Variants in TRDN observed in about 807,000 individuals in gnomAD.
TRDN encodes triadin.
TRDN carries 161 observed loss-of-function variants against 149.7 expected under a neutral mutation model. The observed-to-expected ratio is 1.08, with a 90% CI of 0.95 to 1.23. The LOEUF is 1.23. Ranked by LOEUF, TRDN falls within the 50% of genes most tolerant of loss-of-function variation. The probability of loss-of-function intolerance (pLI) is 0.00; values close to 1 mark genes in which losing one functional copy is unlikely to be tolerated. For missense variants in TRDN, 896 were observed against 823.5 expected (o/e 1.09, Z -1.08); for synonymous variants, 294 against 250.5 (o/e 1.17, Z -1.64).
chr6:123,500,452 G>C (rs1269037273), intron 8 of TRDN, among the ~76,000 whole-genome samples: 1 of 152,092 alleles, frequency 6.6e-6, no homozygotes, highest in African/African-American at 2.4e-5. Context: ...TGAAAGATTT[G>C]TGTTCTAAAA....
At chr6:123,346,097 C>T (rs1178264651) in intron 21 of TRDN, among the ~76,000 whole-genome samples, 2 of 152,010 alleles carry the variant, frequency 1.3e-5, no homozygotes, top group Non-Finnish European at 2.9e-5. Flanking sequence ...ACATCCTTGC[C>T]GTGTTCCTGA....
In TRDN at chr6:123,366,150, C is replaced by T; in HGVS notation, c.1306G>A (p.Val436Ile). 1 of 1,612,648 alleles carries T rather than the reference C, an allele frequency of 6.2e-7. No individual in the cohort carries two copies. Among genetic ancestry groups the T allele is most frequent in the Non-Finnish European group, 8.5e-7 (1 of 1,179,126 alleles). Residue 436 changes from valine (V) to isoleucine (I), a missense_variant, in exon 20 of 41, where the codon GTT becomes ATT. Val to Ile is a conservative substitution (Grantham distance 29). Transcript: ENST00000334268. ...TERAKEEIGAVSIKKAVPGKK... is the reference protein window; with the variant it reads ...TERAKEEIGAISIKKAVPGKK... ...CTGCATTTACCTTTTTTAATTGAAA[C>T]CGCACCAATCTCCTCTTTGGCTCGT... is the stretch of plus-strand genomic sequence containing the variant.
rs146824898 is a variant in TRDN, at chr6:123,600,587, C to T, written c.23-29455G>A. Among the ~76,000 whole-genome samples, 27 of 152,100 alleles carry T rather than the reference C, an allele frequency of 1.8e-4. No individual in the cohort carries two copies. In the East Asian group the frequency reaches 3.5e-3, roughly 20 times the overall value. ...GGGATGGGGACATAATCTGAGGGAA[C>T]AGAAATAGTGGTAGCTGTTCTCAGT... is the stretch of plus-strand genomic sequence containing the variant. On this transcript the variant is annotated intron_variant, in intron 1 of 40. Coordinates refer to ENST00000334268, the MANE Select transcript of TRDN (RefSeq NM_006073.4).
intron 9 of TRDN, among the ~76,000 whole-genome samples, chr6:123,488,556 C>A (rs989090202): frequency 1.3e-5 from 2 of 152,122 alleles, no homozygotes; most frequent in East Asian, 3.8e-4. Flanking sequence ...CTATAAATCC[C>A]ATGACTCTAT....
intron 1 of TRDN, among the ~76,000 whole-genome samples, chr6:123,599,481 T>C (rs551052593): frequency 1.3e-5 from 2 of 151,978 alleles, no homozygotes; most frequent in African/African-American, 4.8e-5. Context: ...TAGGTAAAAC[T>C]ATGCATTTTC....
At chr6:123,553,475 T>C (rs577212545) in intron 2 of TRDN, among the ~76,000 whole-genome samples, 1 of 152,262 alleles carries the variant, frequency 6.6e-6, no homozygotes, top group African/African-American at 2.4e-5. Context: ...CCCATGACTC[T>C]GCCTGCACCA....
At position 123,263,298 on chromosome 6, in the gene TRDN, C is replaced by T. The variant is rs1177552596; in HGVS notation, c.1804+2020G>A. ...CTAATCTACAGCAAGGCCCTAACTC[C>T]CTTCAATTCTATGAAGGCTGAGAGA... is the stretch of plus-strand genomic sequence containing the variant. On this transcript the variant is annotated intron_variant, in intron 33 of 40. Coordinates refer to ENST00000334268, the MANE Select transcript of TRDN (RefSeq NM_006073.4). Among the ~76,000 whole-genome samples, 5 of 152,086 alleles carry T rather than the reference C, an allele frequency of 3.3e-5. No homozygotes were observed. The East Asian group carries it at 5.8e-4, about 18-fold the overall frequency.
intron 22 of TRDN, among the ~76,000 whole-genome samples, chr6:123,334,982 C>T (rs533453528): frequency 3.2e-4 from 48 of 152,092 alleles, no homozygotes; most frequent in Admixed American, 2.2e-3. Flanking sequence ...CAAAATACAA[C>T]GCTAATAAAA....
At chr6:123,503,375 G>C in intron 8 of TRDN, 1 of 985,248 alleles carries the variant, frequency 1.0e-6, no homozygotes, top group Non-Finnish European at 1.2e-6. Flanking sequence ...TTCCTCCAAA[G>C]AGTATGACAC....
intron 24 of TRDN, among the ~76,000 whole-genome samples, chr6:123,286,307 T>C (rs1436838210): frequency 3.3e-5 from 5 of 151,924 alleles, no homozygotes; most frequent in Non-Finnish European, 7.4e-5. Context: ...GATGAAGAAA[T>C]TGTAGTATAG....
Position 123,516,218 on chromosome 6 carries a change from CAGAT to C in TRDN, c.485-16_485-13del. Reference sequence around the variant, plus strand: ...TTCTTTGTGTGTAACTGAAAAGAAACAGATAAATAGTTTTCATTTAAATAACAGG... The same window carrying C: ...TTCTTTGTGTGTAACTGAAAAGAAACAAATAGTTTTCATTTAAATAACAGG... On this transcript the variant is annotated splice_polypyrimidine_tract_variant and intron_variant, in intron 5 of 40. Transcript: ENST00000334268. 7 of 1,472,804 alleles carry C rather than the reference CAGAT, an allele frequency of 4.8e-6. No homozygotes were observed. Among genetic ancestry groups the C allele is most frequent in the Non-Finnish European group, 6.4e-6 (7 of 1,101,754 alleles). 91.2% of individuals were successfully genotyped at this position (1,472,804 alleles called of 1,614,324 possible). A position where few individuals can be genotyped will look rare whatever the true frequency, so the allele number is the denominator to read the frequency against.
chr6:123,429,458 T>G lies in TRDN; in HGVS notation c.1051+8605A>C, dbSNP rs1478793236. On this transcript the variant is annotated intron_variant, in intron 12 of 40. Coordinates refer to ENST00000334268, the MANE Select transcript of TRDN (RefSeq NM_006073.4). ...GCTGCAGTTGAGGGAGATATCACTT[T>G]GATGTTTTTAAAGCTTTACTTGCAC... is the stretch of plus-strand genomic sequence containing the variant. 1.3e-5 allele frequency among the ~76,000 whole-genome samples: 2 copies of G among 152,202 alleles called. 1 individual carries two copies. The highest frequency in any genetic ancestry group is 6.3e-3 in the Middle Eastern group (2 of 316).
Position 123,548,494 on chromosome 6 carries a change from T to C in TRDN, c.351A>G (p.Glu117=). ...CGTCACCATCATCATCTTCTTCATCTTCAGATGAGATGATGTCAGATAACA... is the reference window on the plus strand; with the variant it reads ...CGTCACCATCATCATCTTCTTCATCCTCAGATGAGATGATGTCAGATAACA... ...FSLLSDIISS[E]DEEDDDGDED... is the part of the protein sequence containing the mutation. Residue 117 remains glutamate (E), a synonymous_variant, in exon 3 of 41, where the codon GAA becomes GAG. Transcript: ENST00000334268. 1 of 1,578,012 alleles carries C rather than the reference T, an allele frequency of 6.3e-7. No homozygotes were observed. The highest frequency in any genetic ancestry group is 8.6e-7 in the Non-Finnish European group (1 of 1,161,804).
intron 20 of TRDN, among the ~76,000 whole-genome samples, chr6:123,355,684 G>T (rs1183391938): frequency 6.6e-6 from 1 of 151,630 alleles, no homozygotes; most frequent in Non-Finnish European, 1.5e-5. Flanking sequence ...GATTTTGACT[G>T]GGATTATGAT....
At chr6:123,576,565 G>A (rs572966302) in intron 1 of TRDN, among the ~76,000 whole-genome samples, 2 of 151,744 alleles carry the variant, frequency 1.3e-5, no homozygotes, top group South Asian at 2.1e-4. Flanking sequence ...TGAGTGGAAC[G>A]GATGAGGAGT....
intron 2 of TRDN, among the ~76,000 whole-genome samples, chr6:123,556,568 TTCTC>T (rs1781668661): frequency 6.6e-6 from 1 of 151,910 alleles, no homozygotes; most frequent in South Asian, 2.1e-4. Context: ...CAGTCTCTCT[TTCTC>T]TATTTCCTCC....
At chr6:123,560,654 T>C (rs1289913572) in intron 2 of TRDN, among the ~76,000 whole-genome samples, 2 of 152,202 alleles carry the variant, frequency 1.3e-5, no homozygotes, top group African/African-American at 4.8e-5. Context: ...TTCCAACTTC[T>C]ATCCCTCGTG....
chr6:123,237,989 C>T (rs1254788668), intron 38 of TRDN, among the ~76,000 whole-genome samples: 1 of 152,078 alleles, frequency 6.6e-6, no homozygotes, highest in East Asian at 1.9e-4. Flanking sequence ...TTGAATAATA[C>T]ATTAAAAGAT....
chr6:123,561,828 G>A (rs1782017994), intron 2 of TRDN, among the ~76,000 whole-genome samples: 1 of 151,894 alleles, frequency 6.6e-6, no homozygotes, highest in Non-Finnish European at 1.5e-5. Context: ...TCTCGAAGCA[G>A]CCCTGTGAAA....
Sources: allele counts gnomAD v4.1 joint callset (sites outside exome capture counted in the v4.1 genomes callset), GRCh38; gene constraint gnomAD v4.1.1; transcripts MANE v1.5; gene names NCBI Gene and HGNC (gene_info 2026-07-23, HGNC 2026-07-21).